The following DNAJC1 variants were observed in gnomAD, a reference collection of about 807,000 sequenced individuals.
DNAJC1 encodes dnaJ homolog subfamily C member 1.
A neutral mutation model predicts 76.6 loss-of-function variants in DNAJC1; 58 were observed. The observed-to-expected ratio is 0.76, with a 90% CI of 0.61 to 0.94. DNAJC1 has a LOEUF of 0.94. DNAJC1 is among the 40% of genes least tolerant of loss of function. DNAJC1 has a pLI of 0.00. For missense variants in DNAJC1, 689 were observed against 677.3 expected (o/e 1.02, Z -0.19); for synonymous variants, 258 against 267.9 (o/e 0.96, Z 0.36).
At chr10:21,822,913 T>C (rs955915797) in intron 8 of DNAJC1, among the ~76,000 whole-genome samples, 5 of 151,356 alleles carry the variant, frequency 3.3e-5, no homozygotes, top group African/African-American at 1.2e-4. Flanking sequence ...AGCAAAGTCC[T>C]AGACATAAAC....
intron 1 of DNAJC1, among the ~76,000 whole-genome samples, chr10:21,977,494 C>G (rs534042967): frequency 5.9e-5 from 9 of 152,170 alleles, no homozygotes; most frequent in Admixed American, 5.2e-4. Flanking sequence ...ACTAACTAAA[C>G]CCAAGAAAAG....
intron 7 of DNAJC1, among the ~76,000 whole-genome samples, chr10:21,884,126 T>C (rs1480237561): frequency 3.3e-5 from 5 of 151,964 alleles, no homozygotes; most frequent in Admixed American, 2.6e-4. Flanking sequence ...ACAAAAAAGA[T>C]AAAAGAGTAA....
intron 1 of DNAJC1, among the ~76,000 whole-genome samples, chr10:21,948,531 T>C (rs1244766619): frequency 6.6e-6 from 1 of 152,184 alleles, no homozygotes; most frequent in Non-Finnish European, 1.5e-5. Flanking sequence ...GCTTTAACTT[T>C]CTGAGGTTTC....
chr10:21,859,247 T>C (rs532868167), intron 8 of DNAJC1, among the ~76,000 whole-genome samples: 2 of 152,286 alleles, frequency 1.3e-5, no homozygotes, highest in South Asian at 2.1e-4. Context: ...CTAATGCCGA[T>C]TGAGCCATGA....
intron 1 of DNAJC1, among the ~76,000 whole-genome samples, chr10:21,939,587 A>G (rs1401062992): frequency 1.3e-5 from 2 of 152,164 alleles, no homozygotes; most frequent in Non-Finnish European, 2.9e-5. Flanking sequence ...AATTGCCTGC[A>G]GTATTTAGTA....
intron 1 of DNAJC1, among the ~76,000 whole-genome samples, chr10:21,989,317 T>C (rs1338024457): frequency 2.6e-5 from 4 of 152,176 alleles, no homozygotes; most frequent in Non-Finnish European, 5.9e-5. Flanking sequence ...CGAAACCCCA[T>C]TCCAAACATA....
At chr10:21,996,262 GA>G (rs1309404793) in intron 1 of DNAJC1, among the ~76,000 whole-genome samples, 2 of 152,240 alleles carry the variant, frequency 1.3e-5, no homozygotes, top group Admixed American at 6.5e-5. Flanking sequence ...GCCCACAGTG[GA>G]AAACAGTTCT....
chr10:21,830,464 T>C (rs1007611783), intron 8 of DNAJC1, among the ~76,000 whole-genome samples: 16 of 152,210 alleles, frequency 1.1e-4, no homozygotes, highest in African/African-American at 3.6e-4. Context: ...AGGTAATTGG[T>C]AGTATAACTG....
In DNAJC1 at chr10:21,781,321, T is replaced by C. The variant is rs188168303; in HGVS notation, c.1099-15012A>G. 5.9e-5 allele frequency among the ~76,000 whole-genome samples: 9 copies of C among 152,284 alleles called. No homozygotes were observed. In the East Asian group the frequency reaches 1.5e-3, roughly 26 times the overall value. On this transcript the variant is annotated intron_variant, in intron 9 of 11. Transcript: ENST00000376980. ...GCAACACATCGCACTTATTCCAAAATTGACCACACAGTTGGAAGTAAAGCA... is the reference window on the plus strand; with the variant it reads ...GCAACACATCGCACTTATTCCAAAACTGACCACACAGTTGGAAGTAAAGCA...
intron 1 of DNAJC1, among the ~76,000 whole-genome samples, chr10:21,996,519 T>A (rs978369369): frequency 6.6e-6 from 1 of 152,214 alleles, no homozygotes. Flanking sequence ...CTAGGTAAAC[T>A]GGTAACCCAT....
chr10:21,968,129 A>G (rs961523192), intron 1 of DNAJC1, among the ~76,000 whole-genome samples: 1 of 152,238 alleles, frequency 6.6e-6, no homozygotes, highest in Non-Finnish European at 1.5e-5. Flanking sequence ...GCCATTTGCA[A>G]TGGATTATTT....
At chr10:21,803,366 C>T (rs761995795) in intron 9 of DNAJC1, among the ~76,000 whole-genome samples, 15 of 152,082 alleles carry the variant, frequency 9.9e-5, no homozygotes, top group Non-Finnish European at 1.8e-4. Context: ...TTGAACCTGG[C>T]TACTTTTTCA....
intron 1 of DNAJC1, among the ~76,000 whole-genome samples, chr10:21,993,098 T>C (rs1391728379): frequency 8.8e-6 from 1 of 113,920 alleles, no homozygotes; most frequent in Non-Finnish European, 1.8e-5. Context: ...TGTTTACATA[T>C]ATACTTTTAT....
intron 1 of DNAJC1, among the ~76,000 whole-genome samples, chr10:21,963,502 T>C: frequency 6.6e-6 from 1 of 152,234 alleles, no homozygotes. Context: ...TTGAACAAGT[T>C]GTGGAAGGTT....
intron 6 of DNAJC1, among the ~76,000 whole-genome samples, chr10:21,907,510 G>T (rs1212293789): frequency 6.6e-6 from 1 of 152,054 alleles, no homozygotes; most frequent in African/African-American, 2.4e-5. Context: ...ACTTTAAAAG[G>T]AAAGTGATTA....
intron 7 of DNAJC1, among the ~76,000 whole-genome samples, chr10:21,898,798 T>C (rs1196630276): frequency 6.6e-6 from 1 of 151,792 alleles, no homozygotes; most frequent in East Asian, 1.9e-4. Context: ...TATACTATAC[T>C]TCCTAACATT....
intron 1 of DNAJC1, among the ~76,000 whole-genome samples, chr10:21,984,748 CAT>C (rs1838212217): frequency 6.6e-6 from 1 of 152,124 alleles, no homozygotes; most frequent in South Asian, 2.1e-4. Flanking sequence ...AAGACATAAA[CAT>C]ATTAACAAGT....
At position 21,976,749 on chromosome 10, in the gene DNAJC1, C is replaced by T. The variant is rs117062788; in HGVS notation, c.222+26464G>A. Among the ~76,000 whole-genome samples the T allele has an allele frequency of 5.6e-4, 85 of 152,184 alleles. No homozygotes were observed. The East Asian group carries it at 0.013, about 23-fold the overall frequency. ...CAGCTCTTCCCACTAAGCAACAAAA[C>T]GCAAACGAGCTAGAGAATTCTGCCT... On this transcript the variant is annotated intron_variant, in intron 1 of 11. Coordinates refer to ENST00000376980, the MANE Select transcript of DNAJC1 (RefSeq NM_022365.4).
chr10:21,833,803 AT>A (rs1015487239), intron 8 of DNAJC1, among the ~76,000 whole-genome samples: 1 of 152,214 alleles, frequency 6.6e-6, no homozygotes, highest in Non-Finnish European at 1.5e-5. Context: ...CAGCAGATAG[AT>A]GGCAACTGTT....
Sources: allele counts gnomAD v4.1 joint callset (sites outside exome capture counted in the v4.1 genomes callset), GRCh38; gene constraint gnomAD v4.1.1; transcripts MANE v1.5; gene names NCBI Gene and HGNC (gene_info 2026-07-23, HGNC 2026-07-21).